ROBO1: variants seen among roughly 807,000 people sequenced by gnomAD.
ROBO1 encodes roundabout guidance receptor 1, also known as roundabout homolog 1.
In ROBO1, 149 loss-of-function variants were observed where a neutral mutation model predicts 195.9. The observed-to-expected ratio is 0.76, with a 90% CI of 0.67 to 0.87. The LOEUF is 0.87. Ranked by LOEUF, ROBO1 falls within the 40% of genes least tolerant of loss-of-function variation. ROBO1 has a pLI of 0.00. For missense variants in ROBO1, 1,933 were observed against 2,068.3 expected, an observed-to-expected ratio of 0.93 and a Z score of 1.27; for synonymous variants, 816 against 733.2, an observed-to-expected ratio of 1.11 and a Z score of -1.82.
Position 79,607,095 on chromosome 3 carries a change from GCACACACACACA to G in ROBO1, c.-50-17146_-50-17135del, listed in dbSNP as rs35692271. ...TTTTCAATAACTGTTATTAAAACCT[GCACACACACACA>G]CACACACACACACACACACACACAC... On this transcript the variant is annotated intron_variant, in intron 1 of 30. Coordinates refer to ENST00000464233, the MANE Select transcript of ROBO1 (RefSeq NM_002941.4). 2.1e-3 allele frequency among the ~76,000 whole-genome samples: 295 copies of G among 140,042 alleles called. 7 individuals are homozygous for G. In the East Asian group the frequency reaches 0.052, roughly 25 times the overall value. 91.9% of individuals were successfully genotyped at this position (140,042 alleles called of 152,430 possible). A position where few individuals can be genotyped will look rare whatever the true frequency, so the allele number is the denominator to read the frequency against.
intron 4 of ROBO1, among the ~76,000 whole-genome samples, chr3:78,821,160 GAT>G (rs1491345914): frequency 2.1e-5 from 3 of 142,718 alleles, no homozygotes; most frequent in African/African-American, 8.0e-5. Context: ...TTATGATACT[GAT>G]TTTTTTTTTT....
intron 2 of ROBO1, among the ~76,000 whole-genome samples, chr3:79,153,184 G>T: frequency 6.6e-6 from 1 of 151,632 alleles, no homozygotes; most frequent in Non-Finnish European, 1.5e-5. Flanking sequence ...AAAGTTTAGG[G>T]AAAAGTATAA....
intron 4 of ROBO1, among the ~76,000 whole-genome samples, chr3:78,852,438 A>T (rs1403704664): frequency 6.6e-6 from 1 of 152,172 alleles, no homozygotes; most frequent in Non-Finnish European, 1.5e-5. Flanking sequence ...AAACTCTTTA[A>T]CAGGAGACTG....
intron 2 of ROBO1, among the ~76,000 whole-genome samples, chr3:79,195,533 A>T (rs1156269517): frequency 2.0e-5 from 3 of 151,796 alleles, no homozygotes; most frequent in Non-Finnish European, 1.5e-5. Flanking sequence ...AAATTATCAG[A>T]TAAAAAAGAT....
chr3:78,622,076 C>T (rs1704491833), intron 26 of ROBO1, among the ~76,000 whole-genome samples: 1 of 152,040 alleles, frequency 6.6e-6, no homozygotes, highest in Admixed American at 6.6e-5. Flanking sequence ...ATACCAATCA[C>T]TTTTTAAAAC....
intron 4 of ROBO1, among the ~76,000 whole-genome samples, chr3:78,896,331 G>C (rs1232560860): frequency 6.6e-6 from 1 of 152,054 alleles, no homozygotes; most frequent in Non-Finnish European, 1.5e-5. Context: ...TATACATCCA[G>C]ATGGCCTGAA....
intron 2 of ROBO1, among the ~76,000 whole-genome samples, chr3:79,330,980 T>C (rs2034417281): frequency 6.6e-6 from 1 of 152,192 alleles, no homozygotes; most frequent in Non-Finnish European, 1.5e-5. Flanking sequence ...CAAATACATC[T>C]GATATACATG....
At chr3:79,553,178 A>G (rs1942581596) in intron 2 of ROBO1, among the ~76,000 whole-genome samples, 1 of 151,904 alleles carries the variant, frequency 6.6e-6, no homozygotes, top group South Asian at 2.1e-4. Flanking sequence ...GAGATTCGAC[A>G]CCTCCATTTA....
At chr3:79,220,531 AT>A (rs1163760906) in intron 2 of ROBO1, among the ~76,000 whole-genome samples, 2 of 151,992 alleles carry the variant, frequency 1.3e-5, no homozygotes, top group East Asian at 3.9e-4. Context: ...GCATAAAGAG[AT>A]GAAGTCAATG....
chr3:78,909,907 A>C (rs369346), intron 4 of ROBO1, among the ~76,000 whole-genome samples: 64,814 of 151,466 alleles, frequency 0.43, 15,713 homozygotes, highest in African/African-American at 0.67. Context: ...TGTTTGGTAT[A>C]CTAAATTGAT....
chr3:78,723,634 T>C (rs2082094630), intron 5 of ROBO1, among the ~76,000 whole-genome samples: 1 of 152,108 alleles, frequency 6.6e-6, no homozygotes, highest in Admixed American at 6.5e-5. Flanking sequence ...AGACATATTT[T>C]GTTGTCAGAA....
chr3:79,129,384 A>ATG (rs1049811584), intron 2 of ROBO1, among the ~76,000 whole-genome samples: 3 of 152,004 alleles, frequency 2.0e-5, no homozygotes, highest in Non-Finnish European at 4.4e-5. Context: ...ATAAGGTTAT[A>ATG]TGTGTGTGTG....
chr3:79,211,175 A>G (rs2081960717), intron 2 of ROBO1, among the ~76,000 whole-genome samples: 1 of 151,930 alleles, frequency 6.6e-6, no homozygotes, highest in Non-Finnish European at 1.5e-5. Flanking sequence ...TTTTTTTATT[A>G]TTATGTTTGC....
At chr3:79,136,776 C>A (rs1237382920) in intron 2 of ROBO1, among the ~76,000 whole-genome samples, 1 of 151,762 alleles carries the variant, frequency 6.6e-6, no homozygotes, top group African/African-American at 2.4e-5. Context: ...ATTATCTGTC[C>A]CATTTTTTTG....
In ROBO1 at chr3:78,631,233, A is replaced by G. The variant is rs1264672721; in HGVS notation, c.3554T>C (p.Leu1185Pro). ...AGGATGTGCTGGGGGAGGAGGAAGC[A>G]GGTCTGCCCAGTTCATGCCACCCTG... Reference protein sequence around the residue: ...PKQGGMNWADLLPPPPAHPPP... With the variant: ...PKQGGMNWADPLPPPPAHPPP... The change falls in exon 25 of 31, where the codon CTG becomes CCG. Residue 1185 changes from leucine to proline, a missense_variant. Leu to Pro is a moderately conservative substitution (Grantham distance 98). Coordinates refer to ENST00000464233, the MANE Select transcript of ROBO1 (RefSeq NM_002941.4). 2.5e-6 allele frequency: 4 copies of G among 1,613,350 alleles called. No homozygotes were observed. In the African/African-American group the frequency reaches 4.0e-5, roughly 16 times the overall value.
At chr3:79,735,034 A>G (rs1703318658) in intron 1 of ROBO1, among the ~76,000 whole-genome samples, 1 of 152,244 alleles carries the variant, frequency 6.6e-6, no homozygotes, top group Admixed American at 6.5e-5. Context: ...CTAATGATAC[A>G]GAATGGAATA....
At chr3:78,898,836 T>G (rs1295559885) in intron 4 of ROBO1, among the ~76,000 whole-genome samples, 1 of 152,176 alleles carries the variant, frequency 6.6e-6, no homozygotes, top group Non-Finnish European at 1.5e-5. Context: ...TGTAAAGTGA[T>G]TTTTCTTTCT....
At chr3:78,711,263 CTT>C (rs1385169425) in intron 8 of ROBO1, among the ~76,000 whole-genome samples, 3 of 151,400 alleles carry the variant, frequency 2.0e-5, no homozygotes, top group Non-Finnish European at 3.0e-5. Context: ...TGCTCTCTCT[CTT>C]TCTTCCTTTC....
intron 2 of ROBO1, among the ~76,000 whole-genome samples, chr3:79,503,067 A>G (rs2107509578): frequency 6.6e-6 from 1 of 152,252 alleles, no homozygotes; most frequent in South Asian, 2.1e-4. Context: ...CACACTGTGA[A>G]AGCTTTGTTC....
Sources: gnomAD v4.1 joint callset for allele counts (sites outside exome capture counted in the v4.1 genomes callset) on GRCh38, gnomAD v4.1.1 for gene constraint, MANE v1.5 for transcripts, NCBI Gene and HGNC (gene_info 2026-07-23, HGNC 2026-07-21) for gene names.